Variants in SLIT1 observed in about 807,000 individuals in gnomAD.
SLIT1 encodes the protein slit homolog 1 protein.
Under a neutral mutation model 186.1 loss-of-function variants are expected in SLIT1, and 66 were observed. That is an observed-to-expected ratio of 0.35 (90% CI 0.29 to 0.44). The LOEUF is 0.44. Among genes scored for constraint, SLIT1 ranks in the 20% least tolerant of loss-of-function variants. The probability of loss-of-function intolerance (pLI) is 1.00; values close to 1 mark genes in which losing one functional copy is unlikely to be tolerated. For synonymous variants in SLIT1, 761 were observed against 833.8 expected (o/e 0.91, Z 1.50); for missense variants, 1,638 against 2,037.4 (o/e 0.80, Z 3.77).
In SLIT1 at chr10:97,000,595, A is replaced by C. The variant is rs559806962; in HGVS notation, c.*517T>G. 6.5e-6 allele frequency: 1 copy of C among 153,252 alleles called. No homozygotes were observed. The highest frequency in any genetic ancestry group is 2.1e-4 in the South Asian group (1 of 4,862). 9.5% of individuals were successfully genotyped at this position (153,252 alleles called of 1,614,324 possible). A position where few individuals can be genotyped will look rare whatever the true frequency, so the allele number is the denominator to read the frequency against. ...CCGCTCCAGAGCCTGGCCTACCACC[A>C]GCAGATTCTGTAGCAGCAGAATGAA... On this transcript the variant is annotated 3_prime_UTR_variant, in exon 37 of 37. Transcript: ENST00000266058.
chr10:97,049,946 A>G (rs7902871), intron 13 of SLIT1, among the ~76,000 whole-genome samples: 32,032 of 152,124 alleles, frequency 0.21, 3,856 homozygotes, highest in African/African-American at 0.33. Context: ...GACAAACAGC[A>G]GGTTCAGACC....
intron 21 of SLIT1, among the ~76,000 whole-genome samples, 163 bp from the exon 22 acceptor site, chr10:97,037,929 C>T (rs114530181): frequency 0.014 from 2,077 of 152,144 alleles, 52 homozygotes; most frequent in African/African-American, 0.047. Context: ...AAAATATGTA[C>T]GTTGTTGAAG....
intron 4 of SLIT1, among the ~76,000 whole-genome samples, chr10:97,074,914 G>T (rs569616198): frequency 6.6e-6 from 1 of 152,230 alleles, no homozygotes; most frequent in African/African-American, 2.4e-5. Flanking sequence ...CTGCCTTCAC[G>T]CTCTAACCTG....
chr10:97,058,844 T>C (rs1049744152), intron 11 of SLIT1, among the ~76,000 whole-genome samples: 2 of 152,212 alleles, frequency 1.3e-5, no homozygotes, highest in Non-Finnish European at 2.9e-5. Flanking sequence ...CAAAGTGCTG[T>C]AGGACCTCGG....
At chr10:97,076,514 G>T (rs1849047264) in intron 4 of SLIT1, among the ~76,000 whole-genome samples, 1 of 152,128 alleles carries the variant, frequency 6.6e-6, no homozygotes, top group Admixed American at 6.5e-5. Flanking sequence ...AATTCTGCAA[G>T]TACCCCTCCC....
At chr10:97,177,128 G>A (rs1004186344) in intron 1 of SLIT1, among the ~76,000 whole-genome samples, 10 of 152,152 alleles carry the variant, frequency 6.6e-5, no homozygotes, top group Non-Finnish European at 1.3e-4. Context: ...TCCCACCAAA[G>A]TTTCTGTTCC....
In SLIT1 at chr10:97,049,011, C is replaced by T. The variant is rs146769526; in HGVS notation, c.1409G>A (p.Arg470Gln). ...ETSGARCASPRRLANKRIGQI... is the reference protein window; with the variant it reads ...ETSGARCASPQRLANKRIGQI... The stretch of plus-strand genomic sequence containing the variant: ...CCCGATGCGCTTGTTGGCGAGGCGC[C>T]GGGGACTGGCACAGCGGGCACCACT... Residue 470 changes from arginine to glutamine, a missense_variant, in exon 14 of 37, where the codon CGG becomes CAG. By Grantham distance (43) the Arg-to-Gln change is conservative. Transcript: ENST00000266058. 39 of 1,610,536 alleles carry T rather than the reference C, an allele frequency of 2.4e-5. No individual in the cohort carries two copies. In the African/African-American group the frequency reaches 2.7e-4, roughly 11 times the overall value.
At chr10:97,085,317 C>T (rs1439019835) in intron 4 of SLIT1, among the ~76,000 whole-genome samples, 1 of 152,022 alleles carries the variant, frequency 6.6e-6, no homozygotes, top group East Asian at 1.9e-4. Flanking sequence ...AGGTCTTCTT[C>T]AAAAACATGA....
At chr10:97,113,102 G>C (rs1048844168) in intron 4 of SLIT1, among the ~76,000 whole-genome samples, 1 of 152,176 alleles carries the variant, frequency 6.6e-6, no homozygotes, top group Non-Finnish European at 1.5e-5. Flanking sequence ...GGTCATTTTT[G>C]TGTCCCTGAT....
chr10:97,160,688 A>G (rs1032008167), intron 3 of SLIT1, among the ~76,000 whole-genome samples: 2 of 152,210 alleles, frequency 1.3e-5, no homozygotes, highest in Non-Finnish European at 1.5e-5. Context: ...TGAAATGTCT[A>G]AGGTATGTGT....
chr10:97,087,566 G>A (rs1055708219), intron 4 of SLIT1, among the ~76,000 whole-genome samples: 1 of 152,164 alleles, frequency 6.6e-6, no homozygotes, highest in African/African-American at 2.4e-5. Flanking sequence ...CACTGCCCTG[G>A]GCCGTACCTA....
rs1252288515 is a variant in SLIT1, at chr10:97,144,570, G to C, written c.413+13248C>G. Among the ~76,000 whole-genome samples the C allele has an allele frequency of 3.3e-5, 5 of 152,182 alleles. No homozygotes were observed. The East Asian group carries it at 9.6e-4, about 29-fold the overall frequency. On this transcript the variant is annotated intron_variant, in intron 4 of 36. Transcript: ENST00000266058. ...TGAGTGCACTGAGGCAAGATGCAAAGGGGAGCTCTGTCCCCCACAGAGAAG... is the reference window on the plus strand; with the variant it reads ...TGAGTGCACTGAGGCAAGATGCAAACGGGAGCTCTGTCCCCCACAGAGAAG...
intron 13 of SLIT1, among the ~76,000 whole-genome samples, chr10:97,053,503 C>A (rs960537432): frequency 6.6e-6 from 1 of 152,102 alleles, no homozygotes; most frequent in African/African-American, 2.4e-5. Flanking sequence ...ACGAGCTGTA[C>A]CTTTTACTCA....
At chr10:97,066,409 T>A (rs1848946887) in intron 4 of SLIT1, among the ~76,000 whole-genome samples, 1 of 152,144 alleles carries the variant, frequency 6.6e-6, no homozygotes, top group Non-Finnish European at 1.5e-5. Flanking sequence ...AGACCCCACC[T>A]GATGTAGTTT....
chr10:97,169,917 C>T (rs1472579199), intron 1 of SLIT1, among the ~76,000 whole-genome samples: 1 of 152,232 alleles, frequency 6.6e-6, no homozygotes, highest in Non-Finnish European at 1.5e-5. Context: ...GATCAGACCC[C>T]AGCCAGTGTG....
intron 28 of SLIT1, among the ~76,000 whole-genome samples, chr10:97,017,610 T>TTG (rs1392446052): frequency 9.2e-4 from 140 of 152,032 alleles, no homozygotes; most frequent in Non-Finnish European, 1.6e-3. Context: ...CGGAGGGCTA[T>TTG]CCCCTCCCAC....
In SLIT1 at chr10:97,068,330, C is replaced by T. The variant is rs1488851000; in HGVS notation, c.414-2244G>A. Among the ~76,000 whole-genome samples the T allele has an allele frequency of 6.6e-6, 1 of 152,122 alleles. No individual in the cohort carries two copies. The highest frequency in any genetic ancestry group is 1.5e-5 in the Non-Finnish European group (1 of 68,016). On this transcript the variant is annotated intron_variant, in intron 4 of 36. Transcript: ENST00000266058. This position sits in a 1 kb window ranked among gnomAD's most constrained non-coding sequence, Gnocchi z 4.2. ...ACCCTTCCCCTCCCGAGCCCAGTTT[C>T]CTCATGTACAAAATGGGAAAAATGA...
At chr10:97,142,592 T>C (rs562302906) in intron 4 of SLIT1, among the ~76,000 whole-genome samples, 18 of 152,216 alleles carry the variant, frequency 1.2e-4, no homozygotes, top group Admixed American at 9.2e-4. Flanking sequence ...ACCGAAAGCA[T>C]AGAAAACAAA....
intron 11 of SLIT1, among the ~76,000 whole-genome samples, chr10:97,058,976 C>G (rs1230283960): frequency 6.6e-6 from 1 of 152,226 alleles, no homozygotes; most frequent in Non-Finnish European, 1.5e-5. Flanking sequence ...CGGGCAAACA[C>G]TGTCCTAGCA....
Sources: gnomAD v4.1 joint callset for allele counts (sites outside exome capture counted in the v4.1 genomes callset) on GRCh38, gnomAD v4.1.1 for gene constraint, Gnocchi (gnomAD v3.1) non-coding constraint, MANE v1.5 for transcripts, NCBI Gene and HGNC (gene_info 2026-07-23, HGNC 2026-07-21) for gene names.